DLEU7: variants seen among roughly 807,000 people sequenced by gnomAD.
DLEU7 encodes leukemia-associated protein 7.
In DLEU7, 17 loss-of-function variants were observed where a neutral mutation model predicts 16.0. That is an observed-to-expected ratio of 1.06 (90% CI 0.73 to 1.59). The LOEUF (loss-of-function observed/expected upper bound fraction) is 1.59. Among genes scored for constraint, DLEU7 ranks in the 40% most tolerant of loss-of-function variants. DLEU7 has a pLI of 0.00. For synonymous variants in DLEU7, 113 were observed against 139.8 expected (o/e 0.81, Z 1.35); for missense variants, 308 against 314.9 (o/e 0.98, Z 0.17).
At chr13:50,760,008 T>C (rs1334620011) in intron 1 of DLEU7, among the ~76,000 whole-genome samples, 1 of 152,204 alleles carries the variant, frequency 6.6e-6, no homozygotes, top group Admixed American at 6.5e-5. Flanking sequence ...CCTGGTTCCA[T>C]AGCAAATTGC....
intron 1 of DLEU7, among the ~76,000 whole-genome samples, chr13:50,719,220 T>C (rs761233822): frequency 3.9e-5 from 6 of 152,208 alleles, no homozygotes; most frequent in African/African-American, 1.4e-4. Flanking sequence ...TAATTTCTTC[T>C]AGAAAGTGCC....
intron 1 of DLEU7, among the ~76,000 whole-genome samples, chr13:50,841,560 A>AT (rs1054957026): frequency 1.3e-5 from 2 of 151,870 alleles, no homozygotes; most frequent in African/African-American, 2.4e-5. Flanking sequence ...TTTTATTCAC[A>AT]TTTTTTAAAA....
downstream of DLEU7, among the ~76,000 whole-genome samples, chr13:50,819,561 T>C (rs758267896): frequency 6.6e-6 from 1 of 151,952 alleles, no homozygotes; most frequent in Non-Finnish European, 1.5e-5. Context: ...GCTATGGAAG[T>C]AGTGAGAAGT....
intron 1 of DLEU7, among the ~76,000 whole-genome samples, chr13:50,826,715 G>A (rs547825404): frequency 5.6e-4 from 86 of 152,242 alleles, no homozygotes; most frequent in African/African-American, 1.9e-3. Flanking sequence ...ATGTCATAGG[G>A]AGAACAAGTT....
chr13:50,805,227 ATT>A (rs1876356275), intron 1 of DLEU7, among the ~76,000 whole-genome samples: 1 of 152,120 alleles, frequency 6.6e-6, no homozygotes, highest in South Asian at 2.1e-4. Context: ...ATTGCCATTT[ATT>A]GACAGTTTTG....
At chr13:50,743,718 C>T (rs911662291) in intron 1 of DLEU7, among the ~76,000 whole-genome samples, 2 of 152,114 alleles carry the variant, frequency 1.3e-5, no homozygotes, top group Non-Finnish European at 2.9e-5. Flanking sequence ...AAGCAATAAG[C>T]TCATGCATTA....
intron 1 of DLEU7, among the ~76,000 whole-genome samples, chr13:50,742,504 A>G (rs536989950): frequency 2.8e-4 from 43 of 152,272 alleles, no homozygotes; most frequent in African/African-American, 1.0e-3. Context: ...CTTTAAGGCT[A>G]ACACAGGAAG....
chr13:50,735,800 A>C (rs1874053981), intron 1 of DLEU7, among the ~76,000 whole-genome samples: 1 of 152,186 alleles, frequency 6.6e-6, no homozygotes, highest in Non-Finnish European at 1.5e-5. Flanking sequence ...TCAAAACTAC[A>C]ATGAATACCG....
intron 1 of DLEU7, among the ~76,000 whole-genome samples, chr13:50,742,881 G>T (rs1160846930): frequency 6.6e-6 from 1 of 152,080 alleles, no homozygotes; most frequent in Non-Finnish European, 1.5e-5. Flanking sequence ...GTTTGCTGAC[G>T]TCCTATATAG....
rs1313486240 is a variant in DLEU7 at position 50,843,318 on chromosome 13, C to T, written c.329G>A (p.Cys110Tyr). ...LLPFPRDRGPCTLAQMAMRSA... is the reference protein window; with the variant it reads ...LLPFPRDRGPYTLAQMAMRSA... ...GCGCATCGCCATCTGGGCCAGGGTG[C>T]AGGGCCCGCGGTCCCGGGGGAAGGG... The change falls in exon 1 of 2, where the codon TGC (cysteine) becomes TAC (tyrosine). Residue 110 changes from cysteine (C) to tyrosine (Y), a missense_variant. Transcript: ENST00000504404. This position sits in a 1 kb window ranked among gnomAD's most constrained non-coding sequence, Gnocchi z 5.7. 5.3e-6 allele frequency: 8 copies of T among 1,516,778 alleles called. No homozygotes were observed. Among genetic ancestry groups the T allele is most frequent in the African/African-American group, 1.4e-5 (1 of 69,540 alleles). The allele number at this position is 1,516,778 out of a possible 1,614,324, so 94.0% of individuals were successfully genotyped here. A position where few individuals can be genotyped will look rare whatever the true frequency, so the allele number is the denominator to read the frequency against.
At chr13:50,754,612 A>C (rs1208440941) in intron 1 of DLEU7, among the ~76,000 whole-genome samples, 1 of 152,194 alleles carries the variant, frequency 6.6e-6, no homozygotes, top group Non-Finnish European at 1.5e-5. Flanking sequence ...TTGGTCAGTG[A>C]GTTCTTATCT....
chr13:50,843,647 C>A lies in DLEU7; in HGVS notation c.-1G>T. The A allele has an allele frequency of 2.0e-6, 3 of 1,505,768 alleles. No individual in the cohort carries two copies. Among genetic ancestry groups the A allele is most frequent in the Non-Finnish European group, 1.8e-6 (2 of 1,134,070 alleles). The allele number at this position is 1,505,768 out of a possible 1,614,324, so 93.3% of individuals were successfully genotyped here. A position where few individuals can be genotyped will look rare whatever the true frequency, so the allele number is the denominator to read the frequency against. ...CCACTAAGGGCGCAGGGCTGGCCAT[C>A]GCCTCCGCTGGCGGCCCGGCGCGCT... On this transcript the variant is annotated 5_prime_UTR_variant, in exon 1 of 2. Coordinates refer to ENST00000504404, the MANE Select transcript of DLEU7 (RefSeq NM_001306135.2). This position sits in a 1 kb window ranked among gnomAD's most constrained non-coding sequence, Gnocchi z 5.7.
chr13:50,755,682 C>A (rs1253578350), intron 1 of DLEU7, among the ~76,000 whole-genome samples: 1 of 151,962 alleles, frequency 6.6e-6, no homozygotes, highest in East Asian at 1.9e-4. Flanking sequence ...CTCCTGAATT[C>A]TTTTCCAGGT....
chr13:50,783,114 A>G (rs1466390448), intron 1 of DLEU7, among the ~76,000 whole-genome samples: 1 of 152,208 alleles, frequency 6.6e-6, no homozygotes, highest in African/African-American at 2.4e-5. Context: ...CAGTCTCCTT[A>G]TCTCCGGTAG....
At chr13:50,818,009 C>T (rs2137797385), downstream of DLEU7, among the ~76,000 whole-genome samples, 1 of 152,160 alleles carries the variant, frequency 6.6e-6, no homozygotes, top group African/African-American at 2.4e-5. Context: ...AATGTGTTTC[C>T]ACCATCCAGA....
chr13:50,837,809 T>C (rs752046159), intron 1 of DLEU7, among the ~76,000 whole-genome samples: 1 of 152,176 alleles, frequency 6.6e-6, no homozygotes, highest in East Asian at 1.9e-4. Flanking sequence ...GTACTGACTG[T>C]TATTTTTGTG....
intron 1 of DLEU7, among the ~76,000 whole-genome samples, chr13:50,782,510 C>A (rs1371862777): frequency 6.6e-6 from 1 of 152,158 alleles, no homozygotes; most frequent in African/African-American, 2.4e-5. Flanking sequence ...GCGACCTCTT[C>A]ATTTGATCTC....
At chr13:50,719,118 A>G (rs1873521346) in intron 1 of DLEU7, among the ~76,000 whole-genome samples, 1 of 152,234 alleles carries the variant, frequency 6.6e-6, no homozygotes, top group South Asian at 2.1e-4. Flanking sequence ...GAATAATAAA[A>G]TAAAGAAAAA....
intron 1 of DLEU7, among the ~76,000 whole-genome samples, chr13:50,837,706 G>C (rs113374822): frequency 1.3e-5 from 2 of 152,184 alleles, no homozygotes; most frequent in Admixed American, 6.5e-5. Context: ...CACTTGTTCA[G>C]AGGAAGACAT....
Sources: allele counts gnomAD v4.1 joint callset (sites outside exome capture counted in the v4.1 genomes callset), GRCh38; gene constraint gnomAD v4.1.1; non-coding constraint Gnocchi (gnomAD v3.1); transcripts MANE v1.5; gene names NCBI Gene and HGNC (gene_info 2026-07-23, HGNC 2026-07-21).